OPHN1: variants seen among roughly 807,000 people sequenced by gnomAD.
The protein encoded by OPHN1 is oligophrenin 1, also known as oligophrenin-1.
In OPHN1, 11 loss-of-function variants were observed where a neutral mutation model predicts 60.7. That is an observed-to-expected ratio of 0.18 (90% CI 0.11 to 0.30). The LOEUF (loss-of-function observed/expected upper bound fraction) is 0.30, where lower values mean the gene tolerates loss of function less well. Ranked by LOEUF, OPHN1 falls within the 10% of genes least tolerant of loss-of-function variation. OPHN1 has a pLI of 1.00. For missense variants in OPHN1, 449 were observed against 611.0 expected (o/e 0.73, Z 2.80); for synonymous variants, 226 against 222.6 (o/e 1.02, Z -0.14).
At chrX:68,418,887 G>A (rs1035792134) in intron 2 of OPHN1, among the ~76,000 whole-genome samples, 3 of 111,792 alleles carry the variant, frequency 2.7e-5, no homozygotes, top group Admixed American at 9.6e-5. Flanking sequence ...TTATTTTTAC[G>A]AAGTATTATG....
chrX:68,416,127 C>T (rs1157958356), intron 2 of OPHN1, among the ~76,000 whole-genome samples: 2 of 98,148 alleles, frequency 2.0e-5, no homozygotes, highest in Non-Finnish European at 3.9e-5. Flanking sequence ...ACTGAAACTT[C>T]TGCCTTCTGG....
In OPHN1 at chrX:68,219,630, T is replaced by C. The variant is rs185878799; in HGVS notation, c.487-5658A>G. ...TAGAACTCAGGATTACGAATCTCACTCAAAACCACTCAACTACATGGAAAC... is the reference window on the plus strand; with the variant it reads ...TAGAACTCAGGATTACGAATCTCACCCAAAACCACTCAACTACATGGAAAC... On this transcript the variant is annotated intron_variant, in intron 6 of 24. Coordinates refer to ENST00000355520, the MANE Select transcript of OPHN1 (RefSeq NM_002547.3). Among the ~76,000 whole-genome samples the C allele has an allele frequency of 6.1e-3, 684 of 111,457 alleles. 7 individuals carry two copies. Among genetic ancestry groups the C allele is most frequent in the African/African-American group, 0.021 (653 of 30,703 alleles).
intron 23 of OPHN1, among the ~76,000 whole-genome samples, chrX:68,051,884 G>A (rs1199147666): frequency 1.8e-5 from 2 of 111,468 alleles, no homozygotes; most frequent in Admixed American, 1.9e-4. Context: ...AAGAGACACA[G>A]GAAGAGAAAA....
At chrX:68,129,060 T>C (rs1289937025) in intron 15 of OPHN1, among the ~76,000 whole-genome samples, 1 of 112,217 alleles carries the variant, frequency 8.9e-6, no homozygotes, top group Admixed American at 9.5e-5. Flanking sequence ...TTCAAGTGCA[T>C]GGAGGAGATA....
chrX:68,070,387 G>C lies in OPHN1; in HGVS notation c.1834+2765C>G, dbSNP rs1349672779. On this transcript the variant is annotated intron_variant, in intron 20 of 24. Transcript: ENST00000355520. The stretch of plus-strand genomic sequence containing the variant: ...CTGAGATGCTGTGCAACTGTTTAAG[G>C]GTTCCTGGCACTGCATCTCTTGGCC... 2.9e-5 allele frequency: 14 copies of C among 488,542 alleles called. No individual in the cohort carries two copies. In the East Asian group the frequency reaches 4.8e-4, roughly 17 times the overall value. The allele number at this position is 488,542 out of a possible 1,213,427, so 40.3% of individuals were successfully genotyped here.
intron 19 of OPHN1, among the ~76,000 whole-genome samples, chrX:68,096,164 C>A (rs763032144): frequency 6.3e-5 from 7 of 111,106 alleles, no homozygotes; most frequent in Non-Finnish European, 1.1e-4. Context: ...GTAGGTCATT[C>A]CAGAGGTACC....
rs140896029 is a variant in OPHN1, at chrX:68,375,358, A to G, written c.154+57509T>C. Among the ~76,000 whole-genome samples the G allele has an allele frequency of 2.6e-3, 285 of 111,402 alleles. 1 individual carries two copies. The highest frequency in any genetic ancestry group is 9.1e-3 in the African/African-American group (279 of 30,683). ...AAAATATTTTAAAACTTAGCAGGGC[A>G]TGGAGGTGCACACCTGTAGTCCTAG... On this transcript the variant is annotated intron_variant, in intron 2 of 24. Coordinates refer to ENST00000355520, the MANE Select transcript of OPHN1 (RefSeq NM_002547.3).
At chrX:68,154,715 G>T (rs1457419202) in intron 15 of OPHN1, among the ~76,000 whole-genome samples, 3 of 111,454 alleles carry the variant, frequency 2.7e-5, no homozygotes, top group Non-Finnish European at 5.6e-5. Context: ...GAAATGGTCA[G>T]GTCAATACGT....
Position 68,295,967 on chromosome X carries a change from T to A in OPHN1, c.250+3034A>T, listed in dbSNP as rs142938112. ...AATTTTTTTTTCCAGTGAAACAAGA[T>A]GTATTGACTCAGGGCCAGCAGTATT... On this transcript the variant is annotated intron_variant, in intron 3 of 24. Coordinates refer to ENST00000355520, the MANE Select transcript of OPHN1 (RefSeq NM_002547.3). 4.6e-3 allele frequency among the ~76,000 whole-genome samples: 518 copies of A among 111,556 alleles called. 4 individuals carry two copies. Among genetic ancestry groups the A allele is most frequent in the African/African-American group, 0.016 (489 of 30,730 alleles).
intron 2 of OPHN1, among the ~76,000 whole-genome samples, chrX:68,347,523 G>A (rs904274376): frequency 9.0e-6 from 1 of 110,712 alleles, no homozygotes; most frequent in African/African-American, 3.3e-5. Flanking sequence ...TCTCTATGTT[G>A]CTCAGGCTGG....
At chrX:68,300,913 T>C (rs1193694119) in intron 2 of OPHN1, among the ~76,000 whole-genome samples, 1 of 112,127 alleles carries the variant, frequency 8.9e-6, no homozygotes, top group Admixed American at 9.5e-5. Flanking sequence ...AATAAAGGCA[T>C]GGAATAAGGA....
At chrX:68,092,868 T>A (rs116407475) in intron 19 of OPHN1, among the ~76,000 whole-genome samples, 3,922 of 110,970 alleles carry the variant, frequency 0.035, 183 homozygotes, top group African/African-American at 0.12. Flanking sequence ...GTTATACTAA[T>A]GATGAGATGC....
At position 68,140,494 on chromosome X, in the gene OPHN1, C is replaced by T. The variant is rs139864587; in HGVS notation, c.1277-21162G>A. 5.3e-3 allele frequency among the ~76,000 whole-genome samples: 585 copies of T among 111,140 alleles called. 1 individual carries two copies. Among genetic ancestry groups the T allele is most frequent in the African/African-American group, 0.018 (542 of 30,552 alleles). On this transcript the variant is annotated intron_variant, in intron 15 of 24. Coordinates refer to ENST00000355520, the MANE Select transcript of OPHN1 (RefSeq NM_002547.3). ...TCATGAGAGGCCAGCATAAGCAGAA[C>T]CACTTGCAGGTCAGCATGAAGCAAC...
intron 21 of OPHN1, among the ~76,000 whole-genome samples, chrX:68,061,393 T>C (rs2076892494): frequency 9.0e-6 from 1 of 111,277 alleles, no homozygotes; most frequent in African/African-American, 3.3e-5. Context: ...GCTGAGCTGA[T>C]AGAATCTGGC....
intron 18 of OPHN1, 101 bp downstream of exon 18, chrX:68,111,753 G>A (rs754765280): frequency 1.6e-3 from 930 of 590,910 alleles, no homozygotes; most frequent in Non-Finnish European, 2.4e-3. Flanking sequence ...AAGCACTTAA[G>A]GGCTGGGGCT....
chrX:68,340,136 C>T (rs2078344007), intron 2 of OPHN1, among the ~76,000 whole-genome samples: 1 of 111,916 alleles, frequency 8.9e-6, no homozygotes, highest in South Asian at 3.7e-4. Flanking sequence ...GGAAATATTC[C>T]CTCAAATTGT....
chrX:68,397,189 G>T (rs977237292), intron 2 of OPHN1, among the ~76,000 whole-genome samples: 1 of 111,991 alleles, frequency 8.9e-6, no homozygotes, highest in Non-Finnish European at 1.9e-5. Flanking sequence ...TAAAATCATA[G>T]CAGCTGTTAA....
chrX:68,402,313 G>A (rs1206895732), intron 2 of OPHN1, among the ~76,000 whole-genome samples: 1 of 104,812 alleles, frequency 9.5e-6, no homozygotes, highest in Non-Finnish European at 1.9e-5. Context: ...AGAAAAGAGA[G>A]AAAGAAAGAG....
intron 3 of OPHN1, among the ~76,000 whole-genome samples, chrX:68,287,593 G>C (rs763917335): frequency 4.5e-4 from 50 of 111,700 alleles, no homozygotes; most frequent in African/African-American, 1.5e-3. Flanking sequence ...CTCAAATTTT[G>C]AGTAACTTCA....
Sources: allele counts gnomAD v4.1 joint callset (sites outside exome capture counted in the v4.1 genomes callset), GRCh38; gene constraint gnomAD v4.1.1; transcripts MANE v1.5; gene names NCBI Gene and HGNC (gene_info 2026-07-23, HGNC 2026-07-21).